The following PEBP4 variants were observed in gnomAD, a reference collection of about 807,000 sequenced individuals.
The protein encoded by PEBP4 is phosphatidylethanolamine binding protein 4, also known as phosphatidylethanolamine-binding protein 4.
Under a neutral mutation model 23.9 loss-of-function variants are expected in PEBP4, and 22 were observed. The ratio of observed to expected loss-of-function variants is 0.92; its 90% CI spans 0.66 to 1.31. PEBP4 has a LOEUF of 1.31. Among genes scored for constraint, PEBP4 ranks in the 40% most tolerant of loss-of-function variants. The pLI is 0.00. For synonymous variants in PEBP4, 112 were observed against 99.3 expected (o/e 1.13, Z -0.76); for missense variants, 324 against 281.7 (o/e 1.15, Z -1.07).
At chr8:22,904,639 G>A (rs769025838) in intron 3 of PEBP4, among the ~76,000 whole-genome samples, 14 of 152,104 alleles carry the variant, frequency 9.2e-5, no homozygotes, top group Non-Finnish European at 1.8e-4. Flanking sequence ...GAGATCCAAT[G>A]TTAACATTTT....
chr8:22,867,392 G>A (rs1381365221), intron 3 of PEBP4, among the ~76,000 whole-genome samples: 2 of 152,114 alleles, frequency 1.3e-5, no homozygotes, highest in African/African-American at 2.4e-5. Flanking sequence ...CCGAGCCTGC[G>A]AAGATGTCGT....
chr8:22,861,883 T>C lies in PEBP4; in HGVS notation c.259-44148A>G, dbSNP rs141583839. On this transcript the variant is annotated intron_variant, in intron 3 of 6. Coordinates refer to ENST00000256404, the MANE Select transcript of PEBP4 (RefSeq NM_144962.3). ...ATAACCTAGTCTCAATCTTGCGCTT[T>C]AGCGATAAGATCTTAGGAGCAATTT... 2.6e-5 allele frequency among the ~76,000 whole-genome samples: 4 copies of C among 152,318 alleles called. No individual in the cohort carries two copies. In the East Asian group the frequency reaches 7.7e-4, roughly 29 times the overall value.
intron 4 of PEBP4, among the ~76,000 whole-genome samples, chr8:22,765,825 T>TTC (rs71834123): frequency 4.0e-5 from 4 of 98,922 alleles, no homozygotes; most frequent in African/African-American, 1.2e-4. Flanking sequence ...GATCACCACC[T>TTC]GTGGATCACC....
intron 4 of PEBP4, among the ~76,000 whole-genome samples, chr8:22,760,825 G>A (rs564092155): frequency 7.9e-5 from 12 of 152,160 alleles, no homozygotes; most frequent in African/African-American, 1.9e-4. Flanking sequence ...CTCAGTCCTC[G>A]TAGGATGAAC....
At chr8:22,734,700 T>C (rs1192255630) in intron 4 of PEBP4, among the ~76,000 whole-genome samples, 2 of 152,126 alleles carry the variant, frequency 1.3e-5, no homozygotes, top group African/African-American at 4.8e-5. Context: ...TGGGCACTAT[T>C]GAAAGGAGGC....
chr8:22,742,581 C>G (rs987624237), intron 4 of PEBP4, among the ~76,000 whole-genome samples: 1 of 152,172 alleles, frequency 6.6e-6, no homozygotes. Context: ...GGAGTGCTGT[C>G]TAGCTGCTCA....
intron 3 of PEBP4, among the ~76,000 whole-genome samples, chr8:22,836,826 A>G (rs2128764951): frequency 6.6e-6 from 1 of 152,336 alleles, no homozygotes. Flanking sequence ...CAAATGATGA[A>G]TTAAGATATT....
intron 3 of PEBP4, among the ~76,000 whole-genome samples, chr8:22,824,252 A>G (rs1263345211): frequency 6.6e-5 from 10 of 152,212 alleles, no homozygotes; most frequent in Non-Finnish European, 2.9e-5. Context: ...ACTTAGACAA[A>G]AAGATTTGCA....
At chr8:22,818,605 G>A (rs1806795024) in intron 3 of PEBP4, among the ~76,000 whole-genome samples, 1 of 152,158 alleles carries the variant, frequency 6.6e-6, no homozygotes, top group Non-Finnish European at 1.5e-5. Flanking sequence ...GTGCAACACA[G>A]AACTGTTTCA....
chr8:22,714,027 A>G (rs928936652), intron 6 of PEBP4, among the ~76,000 whole-genome samples: 24 of 152,132 alleles, frequency 1.6e-4, no homozygotes, highest in African/African-American at 5.1e-4. Flanking sequence ...TCTTCTTTCA[A>G]TCTTCTCCCC....
At chr8:22,823,013 T>G (rs1806893207) in intron 3 of PEBP4, among the ~76,000 whole-genome samples, 1 of 151,836 alleles carries the variant, frequency 6.6e-6, no homozygotes, top group South Asian at 2.1e-4. Context: ...AAGGCAATAT[T>G]GAAAAAGATA....
intron 3 of PEBP4, among the ~76,000 whole-genome samples, chr8:22,906,238 G>A (rs1158332071): frequency 6.6e-6 from 1 of 152,122 alleles, no homozygotes; most frequent in South Asian, 2.1e-4. Flanking sequence ...CCAGGCAGAG[G>A]ACACTGCAGG....
At chr8:22,878,750 A>G (rs1226247107) in intron 3 of PEBP4, among the ~76,000 whole-genome samples, 1 of 152,192 alleles carries the variant, frequency 6.6e-6, no homozygotes, top group African/African-American at 2.4e-5. Context: ...CTCAGGGAAC[A>G]GAGAGCAAAC....
At chr8:22,757,420 T>C (rs981932455) in intron 4 of PEBP4, 18 of 152,334 alleles carry the variant, frequency 1.2e-4, no homozygotes, top group African/African-American at 4.3e-4. Flanking sequence ...AAGATAATAC[T>C]ACCTTGTACT....
chr8:22,785,809 C>T (rs1233234137), intron 4 of PEBP4, among the ~76,000 whole-genome samples: 3 of 152,106 alleles, frequency 2.0e-5, no homozygotes, highest in Non-Finnish European at 2.9e-5. Context: ...AAGAGCAGAC[C>T]GACAGGCAAA....
chr8:22,715,748 G>A (rs148220297), intron 6 of PEBP4, among the ~76,000 whole-genome samples: 66 of 152,282 alleles, frequency 4.3e-4, no homozygotes, highest in African/African-American at 1.1e-3. Flanking sequence ...TCCCCGTGCC[G>A]GCTAGCCTCT....
At chr8:22,874,684 C>T (rs574694268) in intron 3 of PEBP4, among the ~76,000 whole-genome samples, 54 of 152,222 alleles carry the variant, frequency 3.5e-4, no homozygotes, top group African/African-American at 1.2e-3. Context: ...TGGCAAAGTG[C>T]GACAATGTAA....
At chr8:22,823,091 T>C (rs536872812) in intron 3 of PEBP4, among the ~76,000 whole-genome samples, 2 of 152,108 alleles carry the variant, frequency 1.3e-5, no homozygotes, top group East Asian at 3.9e-4. Flanking sequence ...AACAATATGG[T>C]GTTGATTAAT....
chr8:22,835,325 C>T (rs530961786), intron 3 of PEBP4, among the ~76,000 whole-genome samples: 11 of 152,196 alleles, frequency 7.2e-5, no homozygotes, highest in Non-Finnish European at 1.3e-4. Context: ...AAGGCATCAG[C>T]AATTTTTTCC....
Sources: allele counts gnomAD v4.1 joint callset (sites outside exome capture counted in the v4.1 genomes callset), GRCh38; gene constraint gnomAD v4.1.1; transcripts MANE v1.5; gene names NCBI Gene and HGNC (gene_info 2026-07-23, HGNC 2026-07-21).